LRCH2: variants seen among roughly 807,000 people sequenced by gnomAD.
LRCH2 encodes the protein leucine rich repeats and calponin homology domain containing 2.
A neutral mutation model predicts 68.9 loss-of-function variants in LRCH2; 38 were observed. The observed-to-expected ratio is 0.55, with a 90% CI of 0.43 to 0.72. The LOEUF (loss-of-function observed/expected upper bound fraction) is 0.72, where lower values mean the gene tolerates loss of function less well. Among genes scored for constraint, LRCH2 ranks in the 30% least tolerant of loss-of-function variants. The probability of loss-of-function intolerance (pLI) is 0.00; values close to 1 mark genes in which losing one functional copy is unlikely to be tolerated. For synonymous variants in LRCH2, 191 were observed against 208.1 expected, an observed-to-expected ratio of 0.92 and a Z score of 0.71; for missense variants, 528 against 572.9, an observed-to-expected ratio of 0.92 and a Z score of 0.80.
intron 11 of LRCH2, among the ~76,000 whole-genome samples, chrX:115,157,378 T>A (rs957839941): frequency 4.5e-5 from 5 of 110,322 alleles, no homozygotes; most frequent in Non-Finnish European, 9.5e-5. Context: ...AAATAAAATC[T>A]CCAGACGTCA....
intron 5 of LRCH2, among the ~76,000 whole-genome samples, chrX:115,171,395 T>C (rs2072603668): frequency 9.0e-6 from 1 of 111,262 alleles, no homozygotes; most frequent in Non-Finnish European, 1.9e-5. Context: ...ATATTGCCAA[T>C]TAAATGTTGT....
intron 1 of LRCH2, chrX:115,191,614 C>T (rs1396648558): frequency 9.2e-6 from 10 of 1,086,354 alleles, no homozygotes; most frequent in East Asian, 3.7e-5. Flanking sequence ...AGGCCGCTCG[C>T]CTGACACCTA....
chrX:115,158,302 A>G (rs1228378881), intron 11 of LRCH2, among the ~76,000 whole-genome samples: 2 of 111,490 alleles, frequency 1.8e-5, no homozygotes, highest in Non-Finnish European at 3.8e-5. Flanking sequence ...AATCAACCAA[A>G]CCAAAAGATG....
At chrX:115,208,989 T>C (rs1244651611) in intron 1 of LRCH2, among the ~76,000 whole-genome samples, 1 of 112,179 alleles carries the variant, frequency 8.9e-6, no homozygotes, top group Non-Finnish European at 1.9e-5. Flanking sequence ...AAATTCCTAA[T>C]AATGAAGTGT....
intron 1 of LRCH2, among the ~76,000 whole-genome samples, chrX:115,207,992 G>A (rs1314207008): frequency 8.9e-6 from 1 of 112,026 alleles, no homozygotes; most frequent in African/African-American, 3.2e-5. Context: ...GCCATCAGAA[G>A]CTGGAAGAAG....
intron 1 of LRCH2, among the ~76,000 whole-genome samples, chrX:115,232,511 G>A (rs2073159474): frequency 9.0e-6 from 1 of 111,328 alleles, no homozygotes; most frequent in African/African-American, 3.3e-5. Flanking sequence ...GAATCACTGG[G>A]TGGAAAGCTT....
chrX:115,186,081 C>T (rs782310427), intron 2 of LRCH2, among the ~76,000 whole-genome samples: 5 of 111,869 alleles, frequency 4.5e-5, no homozygotes, highest in South Asian at 3.7e-4. Context: ...ATATTCAGGC[C>T]GGTCACAATG....
chrX:115,225,279 G>C (rs1459793741), intron 1 of LRCH2, among the ~76,000 whole-genome samples: 2 of 111,413 alleles, frequency 1.8e-5, no homozygotes, highest in African/African-American at 6.5e-5. Flanking sequence ...GAGGAGAATG[G>C]GACAGAGAGA....
chrX:115,233,228 A>G lies in LRCH2; in HGVS notation c.349+465T>C, dbSNP rs782797870. 1.5e-3 allele frequency among the ~76,000 whole-genome samples: 173 copies of G among 111,967 alleles called. 1 individual carries two copies. The highest frequency in any genetic ancestry group is 1.8e-3 in the Non-Finnish European group (97 of 53,153). ...TAGGATGATTAAACCACACAGAAAAACCATGGCAATCCTGCTGCTGTACTC... is the reference window on the plus strand; with the variant it reads ...TAGGATGATTAAACCACACAGAAAAGCCATGGCAATCCTGCTGCTGTACTC... On this transcript the variant is annotated intron_variant, in intron 1 of 20. Transcript: ENST00000317135.
chrX:115,230,450 A>G (rs987561656), intron 1 of LRCH2, among the ~76,000 whole-genome samples: 2 of 111,261 alleles, frequency 1.8e-5, no homozygotes, highest in Non-Finnish European at 3.8e-5. Context: ...CAATAAAGTA[A>G]GAGGAGTGAG....
rs145285686 is a variant in LRCH2, at chrX:115,126,117, A to T, written c.1791+726T>A. 2.7e-5 allele frequency among the ~76,000 whole-genome samples: 3 copies of T among 111,976 alleles called. No individual in the cohort carries two copies. The East Asian group carries it at 8.5e-4, about 32-fold the overall frequency. ...TGTTGAATTCATCAAATGAATGTGT[A>T]ATCATTTACTTACTAATGCCAATAC... On this transcript the variant is annotated intron_variant, in intron 16 of 20. Transcript: ENST00000317135.
chrX:115,130,524 T>C (rs1158515629), intron 14 of LRCH2, among the ~76,000 whole-genome samples: 1 of 111,453 alleles, frequency 9.0e-6, no homozygotes, highest in Non-Finnish European at 1.9e-5. Context: ...ATCCAATATG[T>C]CATCAAGTCG....
chrX:115,112,466 C>T lies in LRCH2; in HGVS notation c.*750G>A, dbSNP rs1339597077. ...CCAATTTAAGGGAAACTGCAATGGA[C>T]TAACTAAAAAACCACAAATGTCACA... On this transcript the variant is annotated 3_prime_UTR_variant, in exon 21 of 21. Coordinates refer to ENST00000317135, the MANE Select transcript of LRCH2 (RefSeq NM_020871.4). 5 of 111,815 alleles carry T rather than the reference C, an allele frequency of 4.5e-5. No individual in the cohort carries two copies. Among genetic ancestry groups the T allele is most frequent in the African/African-American group, 1.6e-4 (5 of 30,797 alleles). 9.2% of individuals were successfully genotyped at this position (111,815 alleles called of 1,213,427 possible). A position where few individuals can be genotyped will look rare whatever the true frequency, so the allele number is the denominator to read the frequency against.
chrX:115,206,261 T>C (rs2072966137), intron 1 of LRCH2, among the ~76,000 whole-genome samples: 1 of 112,521 alleles, frequency 8.9e-6, no homozygotes, highest in Admixed American at 9.4e-5. Context: ...TTATTCTAAT[T>C]TAATGGAGTT....
At chrX:115,178,868 T>C (rs1405770018) in intron 5 of LRCH2, among the ~76,000 whole-genome samples, 1 of 112,168 alleles carries the variant, frequency 8.9e-6, no homozygotes, top group East Asian at 2.8e-4. Context: ...GTTTCTACTA[T>C]TCTATTTTCC....
At chrX:115,172,105 G>T (rs1252534835) in intron 5 of LRCH2, among the ~76,000 whole-genome samples, 1 of 111,179 alleles carries the variant, frequency 9.0e-6, no homozygotes, top group Non-Finnish European at 1.9e-5. Context: ...TTTTCCAATG[G>T]TAGATTTATT....
intron 1 of LRCH2, among the ~76,000 whole-genome samples, chrX:115,224,875 T>C (rs1556575729): frequency 9.0e-6 from 1 of 111,436 alleles, no homozygotes; most frequent in Non-Finnish European, 1.9e-5. Flanking sequence ...AAAGGAGGAA[T>C]TGCCTATTTT....
chrX:115,219,005 T>A (rs897819433), intron 1 of LRCH2, among the ~76,000 whole-genome samples: 33 of 112,068 alleles, frequency 2.9e-4, no homozygotes, highest in African/African-American at 1.0e-3. Flanking sequence ...GATCTGTGTA[T>A]ACAATATACA....
At chrX:115,130,667 T>C (rs186047800) in intron 14 of LRCH2, among the ~76,000 whole-genome samples, 12 of 111,599 alleles carry the variant, frequency 1.1e-4, no homozygotes, top group Admixed American at 9.6e-4. Flanking sequence ...TTAAGAAACC[T>C]ACTGCTTTCA....
Sources: allele counts gnomAD v4.1 joint callset (sites outside exome capture counted in the v4.1 genomes callset), GRCh38; gene constraint gnomAD v4.1.1; transcripts MANE v1.5; gene names NCBI Gene and HGNC (gene_info 2026-07-23, HGNC 2026-07-21).